Variants in MYBL2 observed in about 807,000 individuals in gnomAD.
MYBL2 encodes MYB proto-oncogene like 2, also known as myb-related protein B.
In MYBL2, 28 loss-of-function variants were observed where a neutral mutation model predicts 79.9. That is an observed-to-expected ratio of 0.35 (90% CI 0.26 to 0.48). The LOEUF is 0.48. Among genes scored for constraint, MYBL2 ranks in the 20% least tolerant of loss-of-function variants. MYBL2 has a pLI of 0.99. For missense variants in MYBL2, 735 were observed against 893.9 expected (o/e 0.82, Z 2.27); for synonymous variants, 378 against 361.2 (o/e 1.05, Z -0.53).
chr20:43,672,074 G>A (rs535203772), intron 1 of MYBL2, among the ~76,000 whole-genome samples: 4 of 152,102 alleles, frequency 2.6e-5, no homozygotes, highest in East Asian at 2.0e-4. Flanking sequence ...AGCCGGGCGC[G>A]GTGGCAGGCG....
chr20:43,687,305 A>G (rs1402922835), intron 5 of MYBL2, among the ~76,000 whole-genome samples: 1 of 152,208 alleles, frequency 6.6e-6, no homozygotes, highest in African/African-American at 2.4e-5. Flanking sequence ...AGGCCTCAGC[A>G]AGAAATCGGG....
chr20:43,692,581 C>T (rs1206563491), intron 6 of MYBL2, among the ~76,000 whole-genome samples: 3 of 152,052 alleles, frequency 2.0e-5, no homozygotes, highest in Admixed American at 6.6e-5. Context: ...TGCTGGTGGC[C>T]ACCTTCTTAC....
intron 9 of MYBL2, among the ~76,000 whole-genome samples, chr20:43,706,717 A>ATTTTTTTTTTTTTT (rs553045264): frequency 1.0e-5 from 1 of 95,286 alleles, no homozygotes; most frequent in Non-Finnish European, 1.9e-5. Flanking sequence ...AAAAAAAAAA[A>ATTTTTTTTTTTTTT]AGTTTTTTTT....
At chr20:43,672,182 G>A (rs1293063561) in intron 1 of MYBL2, among the ~76,000 whole-genome samples, 1 of 7,042 alleles carries the variant, frequency 1.4e-4, no homozygotes, top group Non-Finnish European at 6.2e-4. Flanking sequence ...CTTCACTCTA[G>A]CCTGGGTGAC....
intron 6 of MYBL2, among the ~76,000 whole-genome samples, chr20:43,694,844 G>C (rs1367448236): frequency 6.6e-6 from 1 of 152,112 alleles, no homozygotes. Flanking sequence ...GAGAAACAGC[G>C]GGCATCAGCC....
chr20:43,690,267 G>A (rs1332428276), intron 5 of MYBL2, among the ~76,000 whole-genome samples: 6 of 151,544 alleles, frequency 4.0e-5, no homozygotes, highest in South Asian at 2.1e-4. Context: ...GTGCAGTGGC[G>A]TGACCTCAGC....
At chr20:43,710,096 A>G in intron 10 of MYBL2, 34 bp downstream of exon 10, 2 of 1,522,242 alleles carry the variant, frequency 1.3e-6, no homozygotes, top group Non-Finnish European at 1.8e-6. Flanking sequence ...GGATCTCTGC[A>G]CAGTGGGATC....
In MYBL2 at chr20:43,702,694, C is replaced by T. The variant is rs145574249; in HGVS notation, c.1156C>T (p.Arg386Trp). The change falls in exon 8 of 14, where the codon CGG becomes TGG. Residue 386 changes from arginine to tryptophan, a missense_variant. Arg to Trp is a moderately radical substitution (Grantham distance 101). Around this residue, in one of 5 missense-constraint regions of MYBL2, gnomAD observed 243 missense variants for 327.2 expected, o/e 0.74. Coordinates refer to ENST00000217026, the MANE Select transcript of MYBL2 (RefSeq NM_002466.4). ...CATCTCAGACCTGAGCCGGAGCAGCCGGGGCGAGCTGATCCCCATCTCCCC... is the reference window on the plus strand; with the variant it reads ...CATCTCAGACCTGAGCCGGAGCAGCTGGGGCGAGCTGATCCCCATCTCCCC... The part of the protein sequence containing the change: ...HTISDLSRSS[R>W]GELIPISPST... 12 of 1,613,526 alleles carry T rather than the reference C, an allele frequency of 7.4e-6. No individual in the cohort carries two copies. The highest frequency in any genetic ancestry group is 1.7e-5 in the Admixed American group (1 of 59,990).
intron 1 of MYBL2, among the ~76,000 whole-genome samples, chr20:43,669,249 C>G (rs1404393605): frequency 6.6e-6 from 1 of 152,172 alleles, no homozygotes; most frequent in Non-Finnish European, 1.5e-5. Flanking sequence ...GGATTCTCCC[C>G]CACTTGGCCT....
At chr20:43,689,325 C>T (rs1275839760) in intron 5 of MYBL2, among the ~76,000 whole-genome samples, 1 of 152,132 alleles carries the variant, frequency 6.6e-6, no homozygotes, top group Non-Finnish European at 1.5e-5. Context: ...CTGAATGTGT[C>T]ATCTTTCTGG....
At chr20:43,704,676 G>A (rs1192944578) in intron 8 of MYBL2, among the ~76,000 whole-genome samples, 1 of 152,200 alleles carries the variant, frequency 6.6e-6, no homozygotes, top group Non-Finnish European at 1.5e-5. Context: ...AGCACTCAGT[G>A]CAAGACTCAA....
intron 5 of MYBL2, 101 bp from the exon 6 acceptor site, chr20:43,692,056 A>G (rs2145721395): frequency 8.9e-7 from 1 of 1,125,322 alleles, no homozygotes; most frequent in South Asian, 1.5e-5. Context: ...TGGAAGATTC[A>G]TTTACAGGAG....
chr20:43,687,145 C>T, intron 5 of MYBL2, 73 bp downstream of exon 5: 1 of 1,483,400 alleles, frequency 6.7e-7, no homozygotes, highest in South Asian at 1.2e-5. Context: ...AGGAGGGTTC[C>T]TGGGTGGGTA....
intron 11 of MYBL2, among the ~76,000 whole-genome samples, chr20:43,712,765 C>T (rs868024164): frequency 5.9e-5 from 9 of 152,130 alleles, no homozygotes; most frequent in African/African-American, 4.8e-5. Flanking sequence ...TGCTCACTGT[C>T]GCAGCACCTG....
chr20:43,706,254 A>G (rs1987780828), intron 9 of MYBL2, among the ~76,000 whole-genome samples: 1 of 152,208 alleles, frequency 6.6e-6, no homozygotes, highest in Admixed American at 6.5e-5. Context: ...GCAGGGCGAA[A>G]GTGCCCATCC....
intron 13 of MYBL2, 91 bp downstream of exon 13, chr20:43,715,374 C>A: frequency 6.4e-7 from 1 of 1,573,132 alleles, no homozygotes; most frequent in Non-Finnish European, 8.6e-7. Context: ...TCCTGCAGTG[C>A]CCGCCTTCTT....
chr20:43,672,616 CA>C (rs1986893575), intron 1 of MYBL2, among the ~76,000 whole-genome samples: 1 of 152,098 alleles, frequency 6.6e-6, no homozygotes, highest in African/African-American at 2.4e-5. Flanking sequence ...GTGTCATATG[CA>C]AGTTGTTCCA....
chr20:43,681,251 C>A (rs978212287), intron 2 of MYBL2, among the ~76,000 whole-genome samples: 1 of 152,148 alleles, frequency 6.6e-6, no homozygotes, highest in African/African-American at 2.4e-5. Flanking sequence ...TCCTTATGTC[C>A]GCTCGGCTCC....
At chr20:43,706,409 T>G (rs1046573135) in intron 9 of MYBL2, among the ~76,000 whole-genome samples, 1 of 152,214 alleles carries the variant, frequency 6.6e-6, no homozygotes, top group Non-Finnish European at 1.5e-5. Flanking sequence ...TGGGTCATCA[T>G]GATTCTAAAT....
Sources: gnomAD v4.1 joint callset for allele counts (sites outside exome capture counted in the v4.1 genomes callset) on GRCh38, gnomAD v4.1.1 for gene constraint, gnomAD v4.1.1 regional missense constraint, MANE v1.5 for transcripts, NCBI Gene and HGNC (gene_info 2026-07-23, HGNC 2026-07-21) for gene names.